Variants in SAV1 observed in about 807,000 individuals in gnomAD.
SAV1 encodes salvador family WW domain containing protein 1.
Under a neutral mutation model 47.3 loss-of-function variants are expected in SAV1, and 23 were observed. The observed-to-expected ratio is 0.49, with a 90% CI of 0.35 to 0.69. SAV1 has a LOEUF of 0.69. Ranked by LOEUF, SAV1 falls within the 30% of genes least tolerant of loss-of-function variation. The pLI, the probability that SAV1 is intolerant of heterozygous loss-of-function variation, is 0.01. For synonymous variants in SAV1, 155 were observed against 159.2 expected, an observed-to-expected ratio of 0.97 and a Z score of 0.20; for missense variants, 448 against 457.4, an observed-to-expected ratio of 0.98 and a Z score of 0.19.
At chr14:50,643,563 T>A (rs2039698059) in intron 3 of SAV1, among the ~76,000 whole-genome samples, 1 of 152,174 alleles carries the variant, frequency 6.6e-6, no homozygotes, top group South Asian at 2.1e-4. Context: ...CGATTTGAGA[T>A]GAGATTTGGG....
chr14:50,662,996 T>A (rs536879456), intron 2 of SAV1: 1 of 152,398 alleles, frequency 6.6e-6, no homozygotes, highest in East Asian at 1.9e-4. Flanking sequence ...ACCCCGTTAG[T>A]GGCCAAGTCC....
intron 1 of SAV1, among the ~76,000 whole-genome samples, chr14:50,666,003 AGTTT>A (rs1158105252): frequency 6.6e-6 from 1 of 152,248 alleles, no homozygotes; most frequent in African/African-American, 2.4e-5. Flanking sequence ...CTAGTTAAGT[AGTTT>A]ATTTTGTTGT....
At chr14:50,650,135 TG>T (rs1215177692) in intron 2 of SAV1, among the ~76,000 whole-genome samples, 3 of 152,198 alleles carry the variant, frequency 2.0e-5, no homozygotes, top group Admixed American at 1.3e-4. Flanking sequence ...TGTAAGTGTA[TG>T]GATAAATACG....
In SAV1 at chr14:50,634,911, C is replaced by A; in HGVS notation, c.*272G>T. 6.0e-6 allele frequency: 2 copies of A among 333,892 alleles called. No individual in the cohort carries two copies. The highest frequency in any genetic ancestry group is 8.2e-5 in the South Asian group (2 of 24,460). The allele number at this position is 333,892 out of a possible 1,614,324, so 20.7% of individuals were successfully genotyped here. ...CCTATTTAACATCTGTTCATAATGA[C>A]ATTTCCGCTGCGTTTTTTTCCATCA... On this transcript the variant is annotated 3_prime_UTR_variant, in exon 5 of 5. Transcript: ENST00000324679.
At chr14:50,644,530 G>C (rs1237419200) in intron 3 of SAV1, among the ~76,000 whole-genome samples, 1 of 151,036 alleles carries the variant, frequency 6.6e-6, no homozygotes, top group African/African-American at 2.5e-5. Context: ...CAATGATCTT[G>C]TTTTTGAGGT....
chr14:50,635,859 G>A (rs1479292433), intron 4 of SAV1, among the ~76,000 whole-genome samples: 3 of 151,930 alleles, frequency 2.0e-5, no homozygotes, highest in African/African-American at 7.3e-5. Context: ...ACAGGCATGC[G>A]CCACCATGCC....
chr14:50,640,630 C>A, intron 4 of SAV1, 120 bp downstream of exon 4: 1 of 777,188 alleles, frequency 1.3e-6, no homozygotes, highest in African/African-American at 1.8e-5. Context: ...TCACGTATTA[C>A]TTAGAAGCCG....
intron 2 of SAV1, among the ~76,000 whole-genome samples, chr14:50,658,052 T>C (rs2039828051): frequency 6.6e-6 from 1 of 152,142 alleles, no homozygotes; most frequent in Non-Finnish European, 1.5e-5. Flanking sequence ...TGTGTTATAA[T>C]CAAGATGTTG....
At chr14:50,658,479 G>A (rs1350703065) in intron 2 of SAV1, among the ~76,000 whole-genome samples, 1 of 152,134 alleles carries the variant, frequency 6.6e-6, no homozygotes, top group African/African-American at 2.4e-5. Flanking sequence ...AAGTTCTACA[G>A]CTAAACGTAG....
At chr14:50,642,690 A>T (rs1410402900) in intron 3 of SAV1, among the ~76,000 whole-genome samples, 1 of 152,210 alleles carries the variant, frequency 6.6e-6, no homozygotes, top group Non-Finnish European at 1.5e-5. Context: ...AAAAAAATGC[A>T]TGTGTATATT....
rs186922223 is a variant in SAV1, at chr14:50,655,072, T to A, written c.536-10058A>T. 1.5e-3 allele frequency among the ~76,000 whole-genome samples: 222 copies of A among 152,308 alleles called. 1 individual carries two copies. The highest frequency in any genetic ancestry group is 4.7e-3 in the African/African-American group (194 of 41,576). Reference sequence around the variant, plus strand: ...GGTGAAACTGACCTTAGGCTTCTATTAAACTGCAATTGAAAGTTTAATATG... The same window carrying A: ...GGTGAAACTGACCTTAGGCTTCTATAAAACTGCAATTGAAAGTTTAATATG... On this transcript the variant is annotated intron_variant, in intron 2 of 4. Coordinates refer to ENST00000324679, the MANE Select transcript of SAV1 (RefSeq NM_021818.4).
chr14:50,652,158 A>ATG (rs1415751451), intron 2 of SAV1, among the ~76,000 whole-genome samples: 4 of 152,346 alleles, frequency 2.6e-5, no homozygotes, highest in African/African-American at 9.6e-5. Flanking sequence ...AGGTAGTTCA[A>ATG]TGTGAATGTA....
chr14:50,652,048 C>A (rs1393206539), intron 2 of SAV1, among the ~76,000 whole-genome samples: 1 of 152,090 alleles, frequency 6.6e-6, no homozygotes, highest in Non-Finnish European at 1.5e-5. Flanking sequence ...ATTTTTAAAG[C>A]TAGTTATGCT....
At chr14:50,651,764 C>T (rs1038211110) in intron 2 of SAV1, among the ~76,000 whole-genome samples, 2 of 152,008 alleles carry the variant, frequency 1.3e-5, no homozygotes, top group Non-Finnish European at 2.9e-5. Flanking sequence ...GTAGGTGTGA[C>T]TATGGGCATG....
At chr14:50,638,609 G>A (rs534216658) in intron 4 of SAV1, among the ~76,000 whole-genome samples, 29 of 152,202 alleles carry the variant, frequency 1.9e-4, no homozygotes, top group African/African-American at 7.0e-4. Context: ...TGTATCCAGA[G>A]CAGGGTCAAT....
At chr14:50,638,658 A>G (rs756432104) in intron 4 of SAV1, among the ~76,000 whole-genome samples, 1 of 152,234 alleles carries the variant, frequency 6.6e-6, no homozygotes, top group Non-Finnish European at 1.5e-5. Context: ...GGAATAAAAA[A>G]TACCCCTGCC....
intron 2 of SAV1, among the ~76,000 whole-genome samples, chr14:50,662,143 A>G (rs1458810879): frequency 1.3e-5 from 2 of 149,082 alleles, no homozygotes; most frequent in Admixed American, 6.8e-5. Flanking sequence ...TTCTTTCATC[A>G]GTGTTTTGAA....
rs138082046 is a variant in SAV1, at chr14:50,661,821, T to C, written c.535+3358A>G. On this transcript the variant is annotated intron_variant, in intron 2 of 4. Transcript: ENST00000324679. ...GTCTTTCTATACCAATACCATATTA[T>C]TGTGGTTACTATAGCCTTATTTGTG... Among the ~76,000 whole-genome samples the C allele has an allele frequency of 4.6e-3, 703 of 152,352 alleles. 7 individuals carry two copies. The highest frequency in any genetic ancestry group is 0.016 in the African/African-American group (671 of 41,572).
intron 1 of SAV1, among the ~76,000 whole-genome samples, chr14:50,666,543 T>C (rs2039902499): frequency 6.6e-6 from 1 of 152,178 alleles, no homozygotes; most frequent in South Asian, 2.1e-4. Flanking sequence ...GGCTCAACAC[T>C]TGATGTAACG....
Sources: gnomAD v4.1 joint callset for allele counts (sites outside exome capture counted in the v4.1 genomes callset) on GRCh38, gnomAD v4.1.1 for gene constraint, MANE v1.5 for transcripts, NCBI Gene and HGNC (gene_info 2026-07-23, HGNC 2026-07-21) for gene names.